Variants in ITIH1 observed in about 807,000 individuals in gnomAD.
The protein encoded by ITIH1 is inter-alpha-trypsin inhibitor heavy chain H1.
A neutral mutation model predicts 104.6 loss-of-function variants in ITIH1; 94 were observed. The observed-to-expected ratio is 0.90, with a 90% CI of 0.76 to 1.07. The LOEUF (loss-of-function observed/expected upper bound fraction) is 1.07. ITIH1 is among the 50% of genes least tolerant of loss of function. The pLI, the probability that ITIH1 is intolerant of heterozygous loss-of-function variation, is 0.00. For synonymous variants in ITIH1, 455 were observed against 464.4 expected, an observed-to-expected ratio of 0.98 and a Z score of 0.26; for missense variants, 1,193 against 1,181.4, an observed-to-expected ratio of 1.01 and a Z score of -0.14.
In ITIH1 at chr3:52,788,066, G is replaced by A. The variant is rs746112878; in HGVS notation, c.2005G>A (p.Val669Met). ...TQRLPDRVTG[V>M]DTDPHFIIHV... Reference sequence around the variant, plus strand: ...GCGGCTGCCAGACCGAGTGACCGGCGGTGAGTCCTTGGAAGGGTCTGAGGG... The same window carrying A: ...GCGGCTGCCAGACCGAGTGACCGGCAGTGAGTCCTTGGAAGGGTCTGAGGG... Residue 669 changes from valine to methionine, a missense_variant and splice_region_variant, in exon 17 of 22, where the codon GTG (valine) becomes ATG (methionine). Val to Met is a conservative substitution (Grantham distance 21, BLOSUM62 1). Transcript: ENST00000273283. 1.1e-5 allele frequency: 17 copies of A among 1,601,404 alleles called. No individual in the cohort carries two copies. Among genetic ancestry groups the A allele is most frequent in the Admixed American group, 1.0e-4 (6 of 59,202 alleles).
intron 18 of ITIH1, among the ~76,000 whole-genome samples, chr3:52,789,180 G>T (rs1222140995): frequency 6.6e-6 from 1 of 152,152 alleles, no homozygotes; most frequent in Non-Finnish European, 1.5e-5. Context: ...ATAGAGTTTA[G>T]GGAAGGGGAA....
chr3:52,783,784 G>C (rs1307017739), intron 10 of ITIH1, among the ~76,000 whole-genome samples: 1 of 152,074 alleles, frequency 6.6e-6, no homozygotes, highest in Non-Finnish European at 1.5e-5. Flanking sequence ...CAGGGTGCTT[G>C]AGGCTGTGGA....
At chr3:52,783,762 G>A (rs3774355) in intron 10 of ITIH1, among the ~76,000 whole-genome samples, 47,300 of 151,786 alleles carry the variant, frequency 0.31, 8,401 homozygotes, top group Admixed American at 0.44. Context: ...GATACTGAGG[G>A]CCCTGAAAGA....
intron 10 of ITIH1, among the ~76,000 whole-genome samples, chr3:52,783,960 C>T (rs770549803): frequency 5.0e-4 from 76 of 152,070 alleles, no homozygotes; most frequent in Non-Finnish European, 8.8e-4. Context: ...AGGGCCTGCC[C>T]GGGAACTGTG....
In ITIH1 at chr3:52,788,242, C is replaced by T. The variant is rs777237459; in HGVS notation, c.2016C>T (p.Asp672=). 7 of 1,604,796 alleles carry T rather than the reference C, an allele frequency of 4.4e-6. No individual in the cohort carries two copies. In the South Asian group the frequency reaches 4.4e-5, roughly 10 times the overall value. ...LPDRVTGVDT[D]PHFIIHVPQK... ...ATGCTGTGCCCCCAGTGGACACAGACCCTCACTTCATCATCCACGTGCCCC... is the reference window on the plus strand; with the variant it reads ...ATGCTGTGCCCCCAGTGGACACAGATCCTCACTTCATCATCCACGTGCCCC... The change falls in exon 18 of 22, where the codon GAC becomes GAT. Residue 672 remains aspartate (D), a synonymous_variant. Coordinates refer to ENST00000273283, the MANE Select transcript of ITIH1 (RefSeq NM_002215.4).
At position 52,782,240 on chromosome 3, in the gene ITIH1, C is replaced by T. The variant is rs1699078011; in HGVS notation, c.903C>T (p.Gly301=). The T allele has an allele frequency of 6.2e-7, 1 of 1,613,978 alleles. No homozygotes were observed. The highest frequency in any genetic ancestry group is 8.5e-7 in the Non-Finnish European group (1 of 1,179,972). ...TGGTTTTTGTGATTGACATCAGTGG[C>T]TCCATGAGAGGCCAGAAAGTGAAGC... ...KNVVFVIDIS[G]SMRGQKVKQT... Residue 301 remains glycine, a synonymous_variant, in exon 8 of 22, where the codon GGC becomes GGT. Coordinates refer to ENST00000273283, the MANE Select transcript of ITIH1 (RefSeq NM_002215.4).
chr3:52,791,577 C>T lies in ITIH1; in HGVS notation c.2555C>T (p.Thr852Ile). Residue 852 changes from threonine to isoleucine, a missense_variant, in exon 21 of 22, where the codon ACA becomes ATA. Coordinates refer to ENST00000273283, the MANE Select transcript of ITIH1 (RefSeq NM_002215.4). ...GACATCCACCCAGGCTCTGACCCCACAAAGCCAGATGCCACGATGGTGGTG... is the reference window on the plus strand; with the variant it reads ...GACATCCACCCAGGCTCTGACCCCATAAAGCCAGATGCCACGATGGTGGTG... ...VSDIHPGSDP[T>I]KPDATMVVRN... 6.2e-7 allele frequency: 1 copy of T among 1,614,188 alleles called. No homozygotes were observed. Among genetic ancestry groups the T allele is most frequent in the Non-Finnish European group, 8.5e-7 (1 of 1,180,040 alleles).
At chr3:52,781,820 C>T (rs945201958) in intron 6 of ITIH1, 120 bp from the exon 7 acceptor site, 26 of 1,333,490 alleles carry the variant, frequency 1.9e-5, no homozygotes, top group Middle Eastern at 5.3e-4. Context: ...CCACCGAACT[C>T]GTTTCTCTGT....
Position 52,781,206 on chromosome 3 carries a change from TTTTTCTTC to T in ITIH1, c.688-731_688-724del, listed in dbSNP as rs1385897210. 2.3e-3 allele frequency among the ~76,000 whole-genome samples: 169 copies of T among 74,512 alleles called. 13 individuals are homozygous for T. Among genetic ancestry groups the T allele is most frequent in the African/African-American group, 8.4e-3 (133 of 15,876 alleles). The allele number at this position is 74,512 out of a possible 152,430, so 48.9% of individuals were successfully genotyped here. A position where few individuals can be genotyped will look rare whatever the true frequency, so the allele number is the denominator to read the frequency against. On this transcript the variant is annotated intron_variant, in intron 6 of 21. Coordinates refer to ENST00000273283, the MANE Select transcript of ITIH1 (RefSeq NM_002215.4). ...TTCACCTCCTCCTCTTCTTTTTTTT[TTTTTCTTC>T]TTCTTCTTCTTCTTCTTCTTCTTCT...
At chr3:52,778,289 C>T (rs775357770) in intron 2 of ITIH1, 51 bp from the exon 3 acceptor site, 32 of 1,578,250 alleles carry the variant, frequency 2.0e-5, no homozygotes, top group Middle Eastern at 1.7e-4. Context: ...GGAAGTCCCT[C>T]GCTGACAGAG....
At chr3:52,785,781 C>T (rs1699181806) in intron 12 of ITIH1, among the ~76,000 whole-genome samples, 1 of 152,190 alleles carries the variant, frequency 6.6e-6, no homozygotes, top group African/African-American at 2.4e-5. Context: ...GCAAGGGGTC[C>T]AGTTCCCTAG....
intron 12 of ITIH1, among the ~76,000 whole-genome samples, chr3:52,786,063 G>A (rs1699187797): frequency 6.6e-6 from 1 of 152,218 alleles, no homozygotes; most frequent in African/African-American, 2.4e-5. Flanking sequence ...CCACAAGGCA[G>A]GGCCTGGTTC....
At chr3:52,789,249 CAGCG>C (rs1159545046) in intron 18 of ITIH1, among the ~76,000 whole-genome samples, 7 of 152,132 alleles carry the variant, frequency 4.6e-5, no homozygotes, top group Admixed American at 1.3e-4. Flanking sequence ...GCTGGGTTGG[CAGCG>C]TGAGGGTGGG....
chr3:52,779,474 C>T lies in ITIH1; in HGVS notation c.453C>T (p.Thr151=), dbSNP rs140895444. ...TGGAGCAATTCACCATCCACCTCAC[C>T]GTCAATCCCCAGAGCAAGGTCACGT... ...RTMEQFTIHL[T]VNPQSKVTFQ... is the part of the protein sequence containing the mutation. Residue 151 remains threonine, a synonymous_variant, in exon 5 of 22, where the codon ACC becomes ACT. Coordinates refer to ENST00000273283, the MANE Select transcript of ITIH1 (RefSeq NM_002215.4). The surrounding 1 kb of genome is among the most constrained non-coding windows in gnomAD (Gnocchi z 4.4). 6.6e-5 allele frequency: 106 copies of T among 1,614,122 alleles called. No individual in the cohort carries two copies. The highest frequency in any genetic ancestry group is 8.3e-5 in the Admixed American group (5 of 60,014).
rs1440048149 is a variant in ITIH1 at position 52,783,050 on chromosome 3, G to C, written c.1024G>C (p.Gly342Arg). Residue 342 changes from glycine to arginine, a missense_variant, in exon 9 of 22, where the codon GGC becomes CGC. Gly to Arg is a moderately radical substitution (Grantham distance 125). Coordinates refer to ENST00000273283, the MANE Select transcript of ITIH1 (RefSeq NM_002215.4). Reference protein sequence around the residue: ...LFGTRVQSWKGSLVQASEANL... With the variant: ...LFGTRVQSWKRSLVQASEANL... ...TGGGACTCGAGTACAATCGTGGAAGGGCTCGCTGGTGCAAGCATCTGAGGC... is the reference window on the plus strand; with the variant it reads ...TGGGACTCGAGTACAATCGTGGAAGCGCTCGCTGGTGCAAGCATCTGAGGC... 1 of 1,613,860 alleles carries C rather than the reference G, an allele frequency of 6.2e-7. No individual in the cohort carries two copies. The highest frequency in any genetic ancestry group is 1.7e-5 in the Admixed American group (1 of 59,990).
intron 12 of ITIH1, among the ~76,000 whole-genome samples, chr3:52,785,972 G>A (rs1391434377): frequency 6.6e-6 from 1 of 152,216 alleles, no homozygotes; most frequent in Non-Finnish European, 1.5e-5. Context: ...GAATGGTGCA[G>A]CCCACCTAGA....
chr3:52,783,373 GA>G (rs1348107185), intron 10 of ITIH1, 34 bp downstream of exon 10: 1 of 1,606,074 alleles, frequency 6.2e-7, no homozygotes, highest in Admixed American at 1.7e-5. Flanking sequence ...GGGAGGTAGT[GA>G]TCTCCTTGTC....
intron 19 of ITIH1, chr3:52,790,268 G>GTTCA (rs3217089): frequency 0.31 from 78,110 of 249,406 alleles, 13,478 homozygotes; most frequent in Admixed American, 0.43. Flanking sequence ...TTACTAATTC[G>GTTCA]TTCATTCATT....
At chr3:52,786,250 G>A (rs776281332) in intron 12 of ITIH1, 45 bp from the exon 13 acceptor site, 52 of 1,547,814 alleles carry the variant, frequency 3.4e-5, no homozygotes, top group Middle Eastern at 3.6e-4. Context: ...GCCAGGGGCC[G>A]TGCTTATCAT....
Sources: allele counts gnomAD v4.1 joint callset (sites outside exome capture counted in the v4.1 genomes callset), GRCh38; gene constraint gnomAD v4.1.1; non-coding constraint Gnocchi (gnomAD v3.1); transcripts MANE v1.5; gene names NCBI Gene and HGNC (gene_info 2026-07-23, HGNC 2026-07-21).